The following IP6K3 variants were observed in gnomAD, a reference collection of about 807,000 sequenced individuals.
IP6K3 encodes inositol hexakisphosphate kinase 3.
IP6K3 carries 20 observed loss-of-function variants against 28.8 expected under a neutral mutation model. The observed-to-expected ratio is 0.70, with a 90% CI of 0.49 to 1.01. The LOEUF (loss-of-function observed/expected upper bound fraction) is 1.01. Ranked by LOEUF, IP6K3 falls within the 50% of genes least tolerant of loss-of-function variation. IP6K3 has a pLI of 0.00. For missense variants in IP6K3, 480 were observed against 537.1 expected (o/e 0.89, Z 1.05); for synonymous variants, 213 against 221.3 (o/e 0.96, Z 0.33).
chr6:33,732,895 C>G (rs972358918), intron 2 of IP6K3, among the ~76,000 whole-genome samples: 3 of 152,244 alleles, frequency 2.0e-5, no homozygotes, highest in Non-Finnish European at 4.4e-5. Context: ...GTCCTCCTTC[C>G]CCTACCCCAG....
Position 33,725,481 on chromosome 6 carries a change from C to T in IP6K3, c.725G>A (p.Ser242Asn). The change falls in exon 5 of 6, where the codon AGC (serine) becomes AAC (asparagine). Residue 242 changes from serine (S) to asparagine (N), a missense_variant. Physicochemically the swap from Ser to Asn is conservative, Grantham distance 46. Coordinates refer to ENST00000293756, the MANE Select transcript of IP6K3 (RefSeq NM_054111.5). ...GCGCACACCCAGGCAGGCTGAGGTG[C>T]TCTGCGCACACTTCCTCATGTGGCG... ...KARHMRKCAQ[S>N]TSACLGVRIC... 6.2e-7 allele frequency: 1 copy of T among 1,613,418 alleles called. No homozygotes were observed. The highest frequency in any genetic ancestry group is 8.5e-7 in the Non-Finnish European group (1 of 1,180,006).
At chr6:33,727,244 C>T (rs1012322389) in intron 3 of IP6K3, among the ~76,000 whole-genome samples, 1 of 152,224 alleles carries the variant, frequency 6.6e-6, no homozygotes, top group African/African-American at 2.4e-5. Context: ...GGCAGTGGCC[C>T]TATCCGGAAT....
chr6:33,737,807 G>A (rs1766582654), intron 1 of IP6K3, among the ~76,000 whole-genome samples: 3 of 152,172 alleles, frequency 2.0e-5, no homozygotes, highest in Admixed American at 6.5e-5. Flanking sequence ...GAGGATGGAG[G>A]CCTAATGGTG....
chr6:33,749,491 G>A (rs1224987481), upstream of IP6K3, among the ~76,000 whole-genome samples: 1 of 151,230 alleles, frequency 6.6e-6, no homozygotes, highest in Non-Finnish European at 1.5e-5. Context: ...GATGCCTGCT[G>A]CTATGCATCT....
intron 1 of IP6K3, among the ~76,000 whole-genome samples, chr6:33,738,369 G>C (rs1036669559): frequency 1.1e-4 from 17 of 152,228 alleles, no homozygotes; most frequent in Admixed American, 5.2e-4. Flanking sequence ...GCACTGGGAA[G>C]TCCACACCCC....
intron 5 of IP6K3, among the ~76,000 whole-genome samples, chr6:33,724,309 A>G (rs1766017428): frequency 6.6e-6 from 1 of 152,248 alleles, no homozygotes; most frequent in Non-Finnish European, 1.5e-5. Context: ...CTTGAGGACT[A>G]CATTCCCGGC....
chr6:33,723,724 G>T (rs10947434), intron 5 of IP6K3, among the ~76,000 whole-genome samples: 62,538 of 152,120 alleles, frequency 0.41, 15,309 homozygotes, highest in East Asian at 0.85. Context: ...AAGATAAAAA[G>T]ACAGGCTAGG....
upstream of IP6K3, among the ~76,000 whole-genome samples, chr6:33,747,641 C>T (rs1766950115): frequency 8.3e-6 from 1 of 120,186 alleles, no homozygotes; most frequent in African/African-American, 3.8e-5. The surrounding 1 kb of genome is among the most constrained non-coding windows in gnomAD (Gnocchi z 5.2). Flanking sequence ...AGAGGCTGTG[C>T]AGAGGCCCAG....
intron 1 of IP6K3, 132 bp from the exon 2 acceptor site, chr6:33,735,787 A>C: frequency 2.4e-6 from 1 of 422,278 alleles, no homozygotes; most frequent in South Asian, 2.7e-5. Context: ...AGGACTGTAA[A>C]TATCCATTGA....
In IP6K3 at chr6:33,726,781, T is replaced by G. The variant is rs1196133795; in HGVS notation, c.539A>C (p.Gln180Pro). 5 of 1,610,406 alleles carry G rather than the reference T, an allele frequency of 3.1e-6. No homozygotes were observed. The highest frequency in any genetic ancestry group is 4.2e-6 in the Non-Finnish European group (5 of 1,177,510). ...GGAGCACAGGCGGGTCAGGTGGGCC[T>G]GGTGGCATTGCAGGCCCCACGGGTT... is the stretch of plus-strand genomic sequence containing the variant. ...SFNPWGLQCHQAHLTRLCSEY... is the reference protein window; with the variant it reads ...SFNPWGLQCHPAHLTRLCSEY... Residue 180 changes from glutamine to proline, a missense_variant, in exon 4 of 6, where the codon CAG (glutamine) becomes CCG (proline). Coordinates refer to ENST00000293756, the MANE Select transcript of IP6K3 (RefSeq NM_054111.5).
chr6:33,741,459 A>G (rs1010229405), intron 1 of IP6K3, among the ~76,000 whole-genome samples: 3 of 151,774 alleles, frequency 2.0e-5, no homozygotes, highest in Non-Finnish European at 4.4e-5. Flanking sequence ...CTAAGCCAAC[A>G]TGGTGAAACC....
chr6:33,751,814 C>T (rs184860364), upstream of IP6K3, among the ~76,000 whole-genome samples: 1 of 152,200 alleles, frequency 6.6e-6, no homozygotes, highest in African/African-American at 2.4e-5. The surrounding 1 kb of genome is among the most constrained non-coding windows in gnomAD (Gnocchi z 4.3). Flanking sequence ...CTCCACCCAA[C>T]GGGGAAGGCA....
chr6:33,748,852 T>TG (rs147497316), upstream of IP6K3, among the ~76,000 whole-genome samples: 10,983 of 151,546 alleles, frequency 0.072, 917 homozygotes, highest in African/African-American at 0.21. Context: ...TGGTTTAAAG[T>TG]GGGGTGGGGA....
At chr6:33,755,010 T>G in the IP6K3 span, among the ~76,000 whole-genome samples, 3 of 152,186 alleles carry the variant, frequency 2.0e-5, no homozygotes, top group Non-Finnish European at 2.9e-5. Context: ...CCTGGGAGGT[T>G]CTGAGATTCT....
chr6:33,729,711 T>C (rs1028557643), intron 2 of IP6K3, among the ~76,000 whole-genome samples: 8 of 152,026 alleles, frequency 5.3e-5, no homozygotes, highest in African/African-American at 1.9e-4. Flanking sequence ...CTTTTTTCTT[T>C]CTTTCTTTCT....
intron 1 of IP6K3, among the ~76,000 whole-genome samples, chr6:33,741,746 G>T (rs1766732216): frequency 6.7e-6 from 1 of 149,678 alleles, no homozygotes; most frequent in Non-Finnish European, 1.5e-5. Context: ...GAGGTCAGGA[G>T]TTCGAGACCA....
upstream of IP6K3, among the ~76,000 whole-genome samples, chr6:33,749,526 C>G (rs1199075126): frequency 6.6e-6 from 1 of 150,804 alleles, no homozygotes; most frequent in Non-Finnish European, 1.5e-5. Flanking sequence ...CTGTGACCCA[C>G]CTTGCTCCCT....
intron 5 of IP6K3, 61 bp from the exon 6 acceptor site, chr6:33,723,248 T>A: frequency 8.8e-7 from 1 of 1,134,500 alleles, no homozygotes; most frequent in East Asian, 2.5e-5. Context: ...TTGTATCTGG[T>A]ACGGTTGCAG....
At chr6:33,732,217 G>A (rs1175721950) in intron 2 of IP6K3, among the ~76,000 whole-genome samples, 1 of 152,314 alleles carries the variant, frequency 6.6e-6, no homozygotes, top group East Asian at 1.9e-4. Flanking sequence ...GCCCAGCAAA[G>A]GTCCCAGGCG....
Sources: allele counts gnomAD v4.1 joint callset (sites outside exome capture counted in the v4.1 genomes callset), GRCh38; gene constraint gnomAD v4.1.1; non-coding constraint Gnocchi (gnomAD v3.1); transcripts MANE v1.5; gene names NCBI Gene and HGNC (gene_info 2026-07-23, HGNC 2026-07-21).